RBFOX1: variants seen among roughly 807,000 people sequenced by gnomAD.
RBFOX1 encodes RNA binding fox-1 homolog 1.
Under a neutral mutation model 57.7 loss-of-function variants are expected in RBFOX1, and 8 were observed. That is an observed-to-expected ratio of 0.14 (90% CI 0.08 to 0.25). The LOEUF is 0.25. Ranked by LOEUF, RBFOX1 falls within the 10% of genes least tolerant of loss-of-function variation. The probability of loss-of-function intolerance (pLI) is 1.00; values close to 1 mark genes in which losing one functional copy is unlikely to be tolerated. For missense variants in RBFOX1, 611 were observed against 548.5 expected, an observed-to-expected ratio of 1.11 and a Z score of -1.14; for synonymous variants, 326 against 222.4, an observed-to-expected ratio of 1.47 and a Z score of -4.15.
intron 3 of RBFOX1, among the ~76,000 whole-genome samples, chr16:6,660,007 C>G (rs777556069): frequency 6.6e-6 from 1 of 151,870 alleles, no homozygotes; most frequent in Non-Finnish European, 1.5e-5. Flanking sequence ...GAGGCGGCCT[C>G]CAAGATCAGG....
intron 1 of RBFOX1, among the ~76,000 whole-genome samples, chr16:5,267,955 T>C (rs1328898596): frequency 1.3e-5 from 2 of 152,112 alleles, no homozygotes; most frequent in East Asian, 1.9e-4. Context: ...GGCACACACA[T>C]GTAGTCCCAG....
chr16:5,247,212 T>A (rs1288833538), intron 1 of RBFOX1, among the ~76,000 whole-genome samples: 2 of 152,218 alleles, frequency 1.3e-5, no homozygotes, highest in African/African-American at 2.4e-5. Context: ...TAAGTCTAGA[T>A]GCTCTAGCAC....
intron 4 of RBFOX1, among the ~76,000 whole-genome samples, chr16:5,892,786 C>T (rs1236960920): frequency 6.6e-6 from 1 of 152,072 alleles, no homozygotes; most frequent in Non-Finnish European, 1.5e-5. Flanking sequence ...GTGCAAAGGC[C>T]AAGTAGTAAG....
rs368849784 is a variant in RBFOX1 at position 7,585,993 on chromosome 16, A to T, written c.415-1254A>T. Among the ~76,000 whole-genome samples, 26 of 152,322 alleles carry T rather than the reference A, an allele frequency of 1.7e-4. No homozygotes were observed. The East Asian group carries it at 3.7e-3, about 21-fold the overall frequency. On this transcript the variant is annotated intron_variant, in intron 6 of 15. Coordinates refer to ENST00000550418, the MANE Select transcript of RBFOX1 (RefSeq NM_018723.4). ...GCTCTCCACTCAAGGGAGAGATGGAATACAAAACCTCTGGGGGTCATAAAG... is the reference window on the plus strand; with the variant it reads ...GCTCTCCACTCAAGGGAGAGATGGATTACAAAACCTCTGGGGGTCATAAAG...
At chr16:7,692,062 A>C (rs1019323706) in intron 14 of RBFOX1, among the ~76,000 whole-genome samples, 13 of 152,096 alleles carry the variant, frequency 8.5e-5, no homozygotes, top group African/African-American at 3.1e-4. Context: ...TTCAGGGATA[A>C]ATTTTATTGC....
intron 3 of RBFOX1, among the ~76,000 whole-genome samples, chr16:6,980,799 T>C (rs1429474009): frequency 6.6e-6 from 1 of 152,094 alleles, no homozygotes; most frequent in Non-Finnish European, 1.5e-5. Context: ...TCCCAGCACT[T>C]TGGGAGGCCA....
chr16:7,426,955 T>A (rs1450540156), intron 4 of RBFOX1, among the ~76,000 whole-genome samples: 2 of 152,174 alleles, frequency 1.3e-5, no homozygotes, highest in Non-Finnish European at 2.9e-5. Flanking sequence ...TGAGTTCATG[T>A]CCTTTGTAGG....
intron 4 of RBFOX1, among the ~76,000 whole-genome samples, chr16:7,098,777 C>G (rs2062134205): frequency 6.6e-6 from 1 of 151,994 alleles, no homozygotes; most frequent in South Asian, 2.1e-4. Context: ...TAGTGAGACC[C>G]TGTGTCTATC....
chr16:7,327,767 CA>C (rs1335794395), intron 4 of RBFOX1, among the ~76,000 whole-genome samples: 1 of 151,926 alleles, frequency 6.6e-6, no homozygotes, highest in Non-Finnish European at 1.5e-5. Flanking sequence ...CAAGAGATAG[CA>C]TAAATCTAGA....
intron 3 of RBFOX1, among the ~76,000 whole-genome samples, chr16:5,833,680 C>T (rs2056361409): frequency 2.0e-5 from 3 of 151,968 alleles, no homozygotes. Flanking sequence ...CAAGAATGGA[C>T]GTGTGCATTG....
intron 3 of RBFOX1, among the ~76,000 whole-genome samples, chr16:5,695,149 T>C (rs371934858): frequency 4.6e-5 from 7 of 152,140 alleles, no homozygotes; most frequent in Admixed American, 1.3e-4. Context: ...GTGAGATATT[T>C]AGTGTATTTC....
intron 3 of RBFOX1, among the ~76,000 whole-genome samples, chr16:5,697,255 C>T (rs2050873155): frequency 6.6e-6 from 1 of 152,036 alleles, no homozygotes; most frequent in African/African-American, 2.4e-5. Flanking sequence ...GTGTTCACGT[C>T]ATTTGTCAAG....
At chr16:7,584,952 C>T (rs1048915219) in intron 6 of RBFOX1, among the ~76,000 whole-genome samples, 2 of 152,160 alleles carry the variant, frequency 1.3e-5, no homozygotes, top group South Asian at 2.1e-4. Flanking sequence ...GGAATGACAC[C>T]TGCCAAGATT....
At chr16:7,186,018 A>C (rs2083668449) in intron 4 of RBFOX1, among the ~76,000 whole-genome samples, 1 of 152,122 alleles carries the variant, frequency 6.6e-6, no homozygotes, top group Non-Finnish European at 1.5e-5. Context: ...AAAGGCACAC[A>C]GACAGGTTCA....
intron 4 of RBFOX1, among the ~76,000 whole-genome samples, chr16:7,485,530 A>G (rs1465049579): frequency 1.3e-5 from 2 of 152,172 alleles, no homozygotes; most frequent in Non-Finnish European, 2.9e-5. Flanking sequence ...TGAGCTGAGG[A>G]TGTGGCCTTT....
At position 6,636,804 on chromosome 16, in the gene RBFOX1, A is replaced by G. The variant is rs369615928; in HGVS notation, c.-63-17799A>G. Among the ~76,000 whole-genome samples, 8 of 3,924 alleles carry G rather than the reference A, an allele frequency of 2.0e-3. 1 individual carries two copies. Among genetic ancestry groups the G allele is most frequent in the Non-Finnish European group, 7.9e-3 (1 of 126 alleles). The allele number at this position is 3,924 out of a possible 152,430, so 2.6% of individuals were successfully genotyped here. A position where few individuals can be genotyped will look rare whatever the true frequency, so the allele number is the denominator to read the frequency against. On this transcript the variant is annotated intron_variant, in intron 2 of 15. Transcript: ENST00000550418. ...ATATAATATATAATATATGTTATATATAATATATAATATATAATATATGTT... is the reference window on the plus strand; with the variant it reads ...ATATAATATATAATATATGTTATATGTAATATATAATATATAATATATGTT...
At chr16:7,184,067 G>A (rs914400138) in intron 4 of RBFOX1, among the ~76,000 whole-genome samples, 1 of 152,182 alleles carries the variant, frequency 6.6e-6, no homozygotes, top group Non-Finnish European at 1.5e-5. Flanking sequence ...TGGTGGAGAA[G>A]AAGGCAGGAT....
intron 4 of RBFOX1, among the ~76,000 whole-genome samples, chr16:7,108,090 A>C (rs559036785): frequency 6.6e-6 from 1 of 152,304 alleles, no homozygotes; most frequent in South Asian, 2.1e-4. Context: ...CTGATCCCAG[A>C]AATTAGATGT....
intron 3 of RBFOX1, among the ~76,000 whole-genome samples, chr16:6,826,114 G>C (rs1160896825): frequency 6.6e-6 from 1 of 151,970 alleles, no homozygotes; most frequent in Non-Finnish European, 1.5e-5. Context: ...TTTCATCTTG[G>C]TCATGCCGTC....
Sources: gnomAD v4.1 joint callset for allele counts (sites outside exome capture counted in the v4.1 genomes callset) on GRCh38, gnomAD v4.1.1 for gene constraint, MANE v1.5 for transcripts, NCBI Gene and HGNC (gene_info 2026-07-23, HGNC 2026-07-21) for gene names.